Variants in TDRD3 observed in about 807,000 individuals in gnomAD.
TDRD3 encodes tudor domain containing 3.
TDRD3 carries 45 observed loss-of-function variants against 86.7 expected under a neutral mutation model. The ratio of observed to expected loss-of-function variants is 0.52; its 90% CI spans 0.41 to 0.67. TDRD3 has a LOEUF of 0.67. Among genes scored for constraint, TDRD3 ranks in the 30% least tolerant of loss-of-function variants. TDRD3 has a pLI of 0.00. For synonymous variants in TDRD3, 298 were observed against 301.7 expected, an observed-to-expected ratio of 0.99 and a Z score of 0.13; for missense variants, 814 against 889.0, an observed-to-expected ratio of 0.92 and a Z score of 1.07.
intron 12 of TDRD3, among the ~76,000 whole-genome samples, chr13:60,538,390 T>TTC (rs1190678471): frequency 1.3e-5 from 2 of 151,858 alleles, no homozygotes; most frequent in Non-Finnish European, 2.9e-5. Context: ...TGTATTTTTT[T>TTC]TTTTTTTGGC....
At chr13:60,404,669 A>G (rs1318520263) in intron 1 of TDRD3, among the ~76,000 whole-genome samples, 2 of 151,982 alleles carry the variant, frequency 1.3e-5, no homozygotes, top group African/African-American at 4.8e-5. Context: ...CAGTGGCATG[A>G]TCTTGGCTCA....
chr13:60,549,511 AT>A (rs1275431061), intron 12 of TDRD3, among the ~76,000 whole-genome samples: 3 of 152,128 alleles, frequency 2.0e-5, no homozygotes, highest in Non-Finnish European at 2.9e-5. Context: ...GCTCATCTTT[AT>A]GCCAGATATT....
intron 12 of TDRD3, among the ~76,000 whole-genome samples, chr13:60,546,059 A>T (rs747243290): frequency 5.9e-5 from 9 of 152,252 alleles, no homozygotes; most frequent in Non-Finnish European, 1.2e-4. Context: ...AAATAAATAG[A>T]GCATCATTTA....
intron 12 of TDRD3, among the ~76,000 whole-genome samples, chr13:60,552,234 G>T (rs974237670): frequency 5.9e-5 from 9 of 152,306 alleles, no homozygotes; most frequent in Admixed American, 5.2e-4. Context: ...TATAATGGAG[G>T]TACAGGCATT....
chr13:60,396,439 G>A (rs1351617587), upstream of TDRD3: 1 of 152,264 alleles, frequency 6.6e-6, no homozygotes, highest in Non-Finnish European at 1.5e-5. Context: ...CGACGGCGGC[G>A]CGCATGCCCA....
intron 3 of TDRD3, among the ~76,000 whole-genome samples, chr13:60,451,276 CGGGACCTGT>C (rs899109460): frequency 1.6e-4 from 25 of 152,114 alleles, no homozygotes; most frequent in Admixed American, 9.2e-4. Context: ...CACAAAAAAG[CGGGACCTGT>C]GGAGAATCCT....
rs187814679 is a variant in TDRD3, at chr13:60,528,332, T to C, written c.1142-35T>C. On this transcript the variant is annotated intron_variant, in intron 10 of 13. Transcript: ENST00000377881. ...AATAATTATTAATGCAGAGTCTTCA[T>C]CTTAATTTGCATATGGTATACTTTT... 453 of 1,540,994 alleles carry C rather than the reference T, an allele frequency of 2.9e-4. 6 individuals carry two copies. The East Asian group carries it at 1.0e-2, about 34-fold the overall frequency.
chr13:60,489,478 G>T (rs1017573078), intron 7 of TDRD3, among the ~76,000 whole-genome samples: 3 of 152,178 alleles, frequency 2.0e-5, no homozygotes, highest in Admixed American at 6.5e-5. Context: ...AGAAGCACAG[G>T]CTCTGGAATC....
Position 60,528,387 on chromosome 13 carries a change from C to T in TDRD3, c.1162C>T (p.Gln388Ter). ...TTCAGAACCTAAATCACAGCCACAG[C>T]AGCTTCATCAGGGACAATACAGATC... ...NVEEPKSQPQ[Q>*]LHQGQYRSSN... The change falls in exon 11 of 14, where the codon CAG becomes TAG. Residue 388 changes from glutamine to a stop codon, truncating the protein, a stop_gained. Coordinates refer to ENST00000377881, the MANE Select transcript of TDRD3 (RefSeq NM_001146070.2). LOFTEE classifies it high-confidence loss of function. 6.2e-7 allele frequency: 1 copy of T among 1,605,238 alleles called. No homozygotes were observed. The highest frequency in any genetic ancestry group is 8.5e-7 in the Non-Finnish European group (1 of 1,174,854).
intron 13 of TDRD3, among the ~76,000 whole-genome samples, chr13:60,568,963 T>TC (rs978411248): frequency 5.3e-5 from 8 of 151,210 alleles, no homozygotes; most frequent in African/African-American, 2.0e-4. Context: ...TTGTTTTTTT[T>TC]CCCCCCTTTT....
At chr13:60,430,865 A>C (rs1954939117) in intron 1 of TDRD3, among the ~76,000 whole-genome samples, 1 of 152,112 alleles carries the variant, frequency 6.6e-6, no homozygotes, top group South Asian at 2.1e-4. Flanking sequence ...CTATCTCACG[A>C]TCATTTTAAA....
intron 5 of TDRD3, among the ~76,000 whole-genome samples, chr13:60,475,702 C>T (rs879603618): frequency 6.6e-6 from 1 of 152,182 alleles, no homozygotes; most frequent in Admixed American, 6.5e-5. Context: ...ACCTTGCCAG[C>T]ATTGGTTGTT....
intron 5 of TDRD3, among the ~76,000 whole-genome samples, chr13:60,467,637 G>T (rs1955976603): frequency 6.6e-6 from 1 of 152,086 alleles, no homozygotes; most frequent in Non-Finnish European, 1.5e-5. Flanking sequence ...CAAGATACCA[G>T]TTATAAGCTA....
chr13:60,460,779 C>T (rs1333046055), intron 4 of TDRD3: 13 of 273,300 alleles, frequency 4.8e-5, no homozygotes, highest in East Asian at 4.5e-4. Flanking sequence ...CCAAGGGGGA[C>T]GGATCACCCA....
chr13:60,528,348 G>C lies in TDRD3; in HGVS notation c.1142-19G>C. The C allele has an allele frequency of 6.4e-7, 1 of 1,572,634 alleles. No individual in the cohort carries two copies. The highest frequency in any genetic ancestry group is 8.6e-7 in the Non-Finnish European group (1 of 1,161,508). On this transcript the variant is annotated intron_variant, in intron 10 of 13. Coordinates refer to ENST00000377881, the MANE Select transcript of TDRD3 (RefSeq NM_001146070.2). ...GAGTCTTCATCTTAATTTGCATATG[G>C]TATACTTTTACCTTTCAGAACCTAA...
intron 6 of TDRD3, among the ~76,000 whole-genome samples, chr13:60,485,184 G>GA (rs901720727): frequency 6.6e-6 from 1 of 151,920 alleles, no homozygotes; most frequent in Non-Finnish European, 1.5e-5. Flanking sequence ...AATGAGTTGA[G>GA]AAAAAGTTCA....
chr13:60,564,315 A>G (rs764124147), intron 12 of TDRD3, among the ~76,000 whole-genome samples: 7 of 152,156 alleles, frequency 4.6e-5, no homozygotes, highest in Admixed American at 2.0e-4. Flanking sequence ...TGAGACTTCA[A>G]TCAAATACAT....
At chr13:60,510,178 T>C (rs558345590) in intron 9 of TDRD3, among the ~76,000 whole-genome samples, 1 of 152,310 alleles carries the variant, frequency 6.6e-6, no homozygotes, top group Non-Finnish European at 1.5e-5. Context: ...ACAAGGTTGT[T>C]ATGAGTAATA....
chr13:60,425,856 C>T (rs763635330), intron 1 of TDRD3, among the ~76,000 whole-genome samples: 38 of 151,972 alleles, frequency 2.5e-4, no homozygotes, highest in Non-Finnish European at 3.7e-4. Context: ...AATATGTTTT[C>T]CATATGGTTT....
Sources: allele counts gnomAD v4.1 joint callset (sites outside exome capture counted in the v4.1 genomes callset), GRCh38; gene constraint gnomAD v4.1.1; transcripts MANE v1.5; gene names NCBI Gene and HGNC (gene_info 2026-07-23, HGNC 2026-07-21).